MPP7: variants seen among roughly 807,000 people sequenced by gnomAD.
The protein encoded by MPP7 is MAGUK p55 subfamily member 7.
A neutral mutation model predicts 76.5 loss-of-function variants in MPP7; 60 were observed. The ratio of observed to expected loss-of-function variants is 0.78; its 90% CI spans 0.64 to 0.97. MPP7 has a LOEUF of 0.97. MPP7 is among the 50% of genes least tolerant of loss of function. The pLI is 0.00. For missense variants in MPP7, 641 were observed against 694.0 expected (o/e 0.92, Z 0.86); for synonymous variants, 237 against 244.5 (o/e 0.97, Z 0.29).
intron 2 of MPP7, among the ~76,000 whole-genome samples, chr10:28,317,612 C>A (rs1247306350): frequency 6.6e-6 from 1 of 152,106 alleles, no homozygotes; most frequent in East Asian, 1.9e-4. Flanking sequence ...TGACTTCTAA[C>A]CACAATTGCT....
Position 28,120,194 on chromosome 10 carries a change from C to T in MPP7, c.887G>A (p.Arg296Lys). 6.2e-7 allele frequency: 1 copy of T among 1,612,488 alleles called. No individual in the cohort carries two copies. Among genetic ancestry groups the T allele is most frequent in the Middle Eastern group, 1.7e-4 (1 of 6,042 alleles). ...GLIPSKHFQE[R>K]RLALRRPEIL... ...CCATTATTATGTACCAGCAGCTCAC[C>T]TTTCCTGGAAATGCTTTGAGGGGAT... Residue 296 changes from arginine (R) to lysine (K), a missense_variant and splice_region_variant, in exon 10 of 17, where the codon AGG becomes AAG. By Grantham distance (26) the Arg-to-Lys change is conservative (BLOSUM62 2). Coordinates refer to ENST00000683449, the MANE Select transcript of MPP7 (RefSeq NM_001318170.2).
chr10:28,092,928 T>C (rs1853388877), intron 11 of MPP7, among the ~76,000 whole-genome samples: 5 of 152,052 alleles, frequency 3.3e-5, no homozygotes, highest in Admixed American at 3.3e-4. Flanking sequence ...AGCCAAGGTC[T>C]TTACAACTAC....
intron 14 of MPP7, 42 bp downstream of exon 14, chr10:28,059,608 T>G (rs1564610282): frequency 7.3e-7 from 1 of 1,370,898 alleles, no homozygotes; most frequent in Admixed American, 1.7e-5. Context: ...CATGTGCTTA[T>G]AAAAAACAGT....
At chr10:28,062,002 AT>A (rs752839371) in intron 13 of MPP7, among the ~76,000 whole-genome samples, 1 of 152,182 alleles carries the variant, frequency 6.6e-6, no homozygotes, top group African/African-American at 2.4e-5. Flanking sequence ...TTCAAAAAAA[AT>A]ATTCAAGGAA....
At chr10:28,064,917 CA>C (rs1340115140) in intron 13 of MPP7, among the ~76,000 whole-genome samples, 1 of 152,128 alleles carries the variant, frequency 6.6e-6, no homozygotes, top group Non-Finnish European at 1.5e-5. Context: ...TAAAGTTTTG[CA>C]GCAGAAAAAT....
chr10:28,150,182 A>T (rs776201947), intron 3 of MPP7, 123 bp from the exon 4 acceptor site: 12 of 673,490 alleles, frequency 1.8e-5, no homozygotes, highest in Non-Finnish European at 2.6e-5. Flanking sequence ...TGTTTATGAC[A>T]TATTACACAC....
At chr10:28,199,220 C>T (rs939339137) in intron 3 of MPP7, among the ~76,000 whole-genome samples, 3 of 152,086 alleles carry the variant, frequency 2.0e-5, no homozygotes, top group African/African-American at 7.2e-5. Context: ...TCCCACAACA[C>T]ATATGAATTA....
chr10:28,327,963 T>C (rs998284103), intron 2 of MPP7, among the ~76,000 whole-genome samples: 1 of 152,342 alleles, frequency 6.6e-6, no homozygotes, highest in Non-Finnish European at 1.5e-5. Flanking sequence ...TGTTTTTGTA[T>C]CTTTCAGTTG....
At chr10:28,235,804 G>A (rs1839054776) in intron 2 of MPP7, among the ~76,000 whole-genome samples, 1 of 152,148 alleles carries the variant, frequency 6.6e-6, no homozygotes, top group Non-Finnish European at 1.5e-5. Flanking sequence ...TATTATAGAA[G>A]AAATGTTATT....
chr10:28,169,746 G>C (rs1370857908), intron 3 of MPP7, among the ~76,000 whole-genome samples: 4 of 152,108 alleles, frequency 2.6e-5, no homozygotes, highest in Non-Finnish European at 2.9e-5. Flanking sequence ...GTTGGTTGCT[G>C]GGGTTAGAAA....
chr10:28,327,326 C>T (rs1334434047), intron 2 of MPP7, among the ~76,000 whole-genome samples: 3 of 150,848 alleles, frequency 2.0e-5, no homozygotes, highest in East Asian at 1.9e-4. Flanking sequence ...CTACCTAGCT[C>T]GTTTCAAATT....
At chr10:28,306,323 C>G (rs1482230493), upstream of MPP7, among the ~76,000 whole-genome samples, 4 of 152,178 alleles carry the variant, frequency 2.6e-5, no homozygotes, top group Admixed American at 6.5e-5. Flanking sequence ...GAAAAGCTAT[C>G]TCTTCACCCT....
At chr10:28,081,632 G>C (rs1203338412) in intron 12 of MPP7, among the ~76,000 whole-genome samples, 1 of 151,974 alleles carries the variant, frequency 6.6e-6, no homozygotes, top group Non-Finnish European at 1.5e-5. Context: ...TTAAATATAA[G>C]AATAAAAACC....
At chr10:28,312,762 A>AG (rs1480824445) in intron 2 of MPP7, among the ~76,000 whole-genome samples, 2 of 152,206 alleles carry the variant, frequency 1.3e-5, no homozygotes, top group African/African-American at 4.8e-5. Flanking sequence ...TGATCTCCCA[A>AG]GGGAGCATCG....
upstream of MPP7, among the ~76,000 whole-genome samples, chr10:28,304,846 C>T (rs1350108131): frequency 2.0e-5 from 3 of 151,944 alleles, no homozygotes; most frequent in African/African-American, 7.3e-5. Context: ...ACTCATCAAA[C>T]GTAATCAATA....
intron 1 of MPP7, among the ~76,000 whole-genome samples, chr10:28,333,987 G>A (rs1464106674): frequency 6.6e-6 from 1 of 152,138 alleles, no homozygotes; most frequent in Non-Finnish European, 1.5e-5. Flanking sequence ...GAGGTCAGGA[G>A]TTCGAGATCA....
intron 1 of MPP7, among the ~76,000 whole-genome samples, chr10:28,253,863 G>A (rs116275821): frequency 0.011 from 1,704 of 151,680 alleles, 32 homozygotes; most frequent in African/African-American, 0.039. Context: ...GGGTATGGTC[G>A]GGGGCACCTG....
rs547242570 is a variant in MPP7 at position 28,226,799 on chromosome 10, C to G, written c.37+11769G>C. ...CCTTACAGCAAAAGCAGAACTCGCA[C>G]TATTCCCATAAAGATTCTAAAATGA... On this transcript the variant is annotated intron_variant, in intron 2 of 16. Coordinates refer to ENST00000683449, the MANE Select transcript of MPP7 (RefSeq NM_001318170.2). Among the ~76,000 whole-genome samples the G allele has an allele frequency of 2.3e-3, 350 of 152,266 alleles. 3 individuals carry two copies. The highest frequency in any genetic ancestry group is 2.3e-3 in the Non-Finnish European group (155 of 68,018).
chr10:28,090,181 G>T (rs2133451107), intron 11 of MPP7, among the ~76,000 whole-genome samples: 1 of 152,168 alleles, frequency 6.6e-6, no homozygotes, highest in South Asian at 2.1e-4. Context: ...AGGCTGGTTT[G>T]AACTGCTGGC....
Sources: gnomAD v4.1 joint callset for allele counts (sites outside exome capture counted in the v4.1 genomes callset) on GRCh38, gnomAD v4.1.1 for gene constraint, MANE v1.5 for transcripts, NCBI Gene and HGNC (gene_info 2026-07-23, HGNC 2026-07-21) for gene names.